Variants in ANKRD31 observed in about 807,000 individuals in gnomAD.
ANKRD31 encodes ankyrin repeat domain-containing protein 31.
In ANKRD31, 147 loss-of-function variants were observed where a neutral mutation model predicts 186.0. That is an observed-to-expected ratio of 0.79 (90% CI 0.69 to 0.91). ANKRD31 has a LOEUF of 0.91. ANKRD31 is among the 40% of genes least tolerant of loss of function. ANKRD31 has a pLI of 0.00. For synonymous variants in ANKRD31, 673 were observed against 736.4 expected (o/e 0.91, Z 1.39); for missense variants, 1,986 against 2,148.8 (o/e 0.92, Z 1.50).
chr5:75,209,087 T>C (rs1246456437), intron 4 of ANKRD31, among the ~76,000 whole-genome samples: 1 of 152,206 alleles, frequency 6.6e-6, no homozygotes, highest in Non-Finnish European at 1.5e-5. Flanking sequence ...AATACTTTCC[T>C]AAAAGGGAAA....
At chr5:75,164,197 C>A (rs929746650) in intron 11 of ANKRD31, among the ~76,000 whole-genome samples, 13 of 152,068 alleles carry the variant, frequency 8.5e-5, no homozygotes, top group African/African-American at 3.1e-4. Flanking sequence ...TGTCAGTGAG[C>A]CACCTTAGAA....
intron 1 of ANKRD31, among the ~76,000 whole-genome samples, chr5:75,233,404 C>T (rs761122130): frequency 1.2e-4 from 19 of 152,042 alleles, no homozygotes; most frequent in Non-Finnish European, 2.6e-4. Context: ...CTTATGAGGA[C>T]TCCTGTGTCC....
intron 10 of ANKRD31, among the ~76,000 whole-genome samples, chr5:75,183,060 A>G (rs1754443203): frequency 1.3e-5 from 2 of 152,248 alleles, no homozygotes; most frequent in Non-Finnish European, 2.9e-5. Context: ...ATTATTCATT[A>G]TGATCAATTG....
At chr5:75,079,310 T>G (rs747687825) in intron 25 of ANKRD31, among the ~76,000 whole-genome samples, 1 of 152,362 alleles carries the variant, frequency 6.6e-6, no homozygotes, top group Non-Finnish European at 1.5e-5. Context: ...TTCTGCTATT[T>G]GTTCTATTGA....
chr5:75,109,948 G>C (rs943757513), intron 20 of ANKRD31, among the ~76,000 whole-genome samples: 2 of 152,186 alleles, frequency 1.3e-5, no homozygotes, highest in African/African-American at 4.8e-5. Flanking sequence ...AAGAGTCTTA[G>C]AAAACTGCTC....
intron 11 of ANKRD31, among the ~76,000 whole-genome samples, chr5:75,162,646 C>T (rs1206797220): frequency 1.3e-5 from 2 of 152,076 alleles, no homozygotes; most frequent in Non-Finnish European, 2.9e-5. Context: ...CTCCATGTCC[C>T]CAGCCAAATC....
intron 17 of ANKRD31, among the ~76,000 whole-genome samples, chr5:75,124,315 G>A (rs906344897): frequency 6.6e-6 from 1 of 152,106 alleles, no homozygotes; most frequent in African/African-American, 2.4e-5. Context: ...AAAAGGGAAT[G>A]CTTATACACT....
At chr5:75,194,987 AG>A (rs1755364318) in intron 7 of ANKRD31, among the ~76,000 whole-genome samples, 1 of 152,128 alleles carries the variant, frequency 6.6e-6, no homozygotes, top group Non-Finnish European at 1.5e-5. Context: ...GAAAAAATAA[AG>A]ATTATTTTTA....
chr5:75,100,946 A>C (rs1023173731), intron 22 of ANKRD31, among the ~76,000 whole-genome samples: 8 of 152,120 alleles, frequency 5.3e-5, no homozygotes, highest in Non-Finnish European at 8.8e-5. Context: ...ATTGTTATGT[A>C]TGAATTTGAT....
At position 75,144,059 on chromosome 5, in the gene ANKRD31, G is replaced by C. The variant is rs1227954759; in HGVS notation, c.3537C>G (p.His1179Gln). Residue 1179 changes from histidine (H) to glutamine (Q), a missense_variant, in exon 15 of 26, where the codon CAC becomes CAG. Physicochemically the swap from His to Gln is conservative, Grantham distance 24. Transcript: ENST00000506364. Reference sequence around the variant, plus strand: ...TTTTTCTGAAATTCTGAACTGTTTTGTGTTCTTGGCTATTAGTAGGCATGT... The same window carrying C: ...TTTTTCTGAAATTCTGAACTGTTTTCTGTTCTTGGCTATTAGTAGGCATGT... The part of the protein sequence containing the change: ...EIHMPTNSQE[H>Q]KTVQNFRKRQ... The C allele has an allele frequency of 2.5e-6, 1 of 397,482 alleles. No homozygotes were observed. The highest frequency in any genetic ancestry group is 4.4e-6 in the Non-Finnish European group (1 of 225,384). The allele number at this position is 397,482 out of a possible 1,614,324, so 24.6% of individuals were successfully genotyped here.
intron 12 of ANKRD31, among the ~76,000 whole-genome samples, chr5:75,153,939 A>C (rs1751999394): frequency 6.6e-6 from 1 of 152,106 alleles, no homozygotes; most frequent in South Asian, 2.1e-4. Context: ...TTTGGGGAAA[A>C]GAAACAAATT....
At chr5:75,120,111 G>C (rs1748637735) in intron 17 of ANKRD31, among the ~76,000 whole-genome samples, 1 of 152,094 alleles carries the variant, frequency 6.6e-6, no homozygotes, top group Non-Finnish European at 1.5e-5. Flanking sequence ...TATGGTATAA[G>C]TCAGCCAGGA....
intron 25 of ANKRD31, among the ~76,000 whole-genome samples, chr5:75,072,964 C>T (rs767514198): frequency 2.0e-5 from 3 of 152,136 alleles, no homozygotes; most frequent in Admixed American, 6.5e-5. Flanking sequence ...TTTATAACTA[C>T]GATAATTCCT....
chr5:75,106,013 T>C (rs943578189), intron 21 of ANKRD31, among the ~76,000 whole-genome samples: 2 of 152,168 alleles, frequency 1.3e-5, no homozygotes, highest in African/African-American at 4.8e-5. Context: ...TGGGAACTAC[T>C]TGTACTCTTC....
chr5:75,079,939 C>CA lies in ANKRD31; in HGVS notation c.5647+628dup, dbSNP rs903154586. On this transcript the variant is annotated intron_variant, in intron 25 of 25. Transcript: ENST00000506364. ...GCAACATGGTGAAACTCCCTCTCTACAAAAAAAAATTAGCTGGGCATGGTG... is the reference window on the plus strand; with the variant it reads ...GCAACATGGTGAAACTCCCTCTCTACAAAAAAAAAATTAGCTGGGCATGGTG... 2.5e-4 allele frequency among the ~76,000 whole-genome samples: 37 copies of CA among 150,850 alleles called. 1 individual carries two copies. Among genetic ancestry groups the CA allele is most frequent in the East Asian group, 2.2e-3 (11 of 5,076 alleles).
chr5:75,118,341 T>C, intron 17 of ANKRD31, 44 bp from the exon 18 acceptor site: 2 of 1,338,908 alleles, frequency 1.5e-6, no homozygotes, highest in South Asian at 1.9e-5. Context: ...ACACCAAAGA[T>C]GAATAATTTC....
rs539198775 is a variant in ANKRD31 at position 75,195,510 on chromosome 5, G to A, written c.1017+121C>T. On this transcript the variant is annotated intron_variant, in intron 7 of 25. Coordinates refer to ENST00000506364, the MANE Select transcript of ANKRD31 (RefSeq NM_001372053.1). The stretch of plus-strand genomic sequence containing the variant: ...AATGAAAACTTGTTGAAGTTTAAAA[G>A]GCAAAATCATAGACTCATATTTTCA... 1.2e-5 allele frequency: 10 copies of A among 842,530 alleles called. No individual in the cohort carries two copies. The African/African-American group carries it at 1.7e-4, about 15-fold the overall frequency. 52.2% of individuals were successfully genotyped at this position (842,530 alleles called of 1,614,324 possible).
intron 22 of ANKRD31, among the ~76,000 whole-genome samples, chr5:75,099,862 T>C (rs1580323319): frequency 6.6e-6 from 1 of 152,204 alleles, no homozygotes; most frequent in East Asian, 1.9e-4. Context: ...GTTGATCTTT[T>C]CAAAAAACCA....
chr5:75,207,828 T>C (rs896777896), intron 4 of ANKRD31, among the ~76,000 whole-genome samples: 1 of 152,070 alleles, frequency 6.6e-6, no homozygotes, highest in Non-Finnish European at 1.5e-5. Context: ...TTTCTTTAAA[T>C]GAACTTATAA....
Sources: allele counts gnomAD v4.1 joint callset (sites outside exome capture counted in the v4.1 genomes callset), GRCh38; gene constraint gnomAD v4.1.1; transcripts MANE v1.5; gene names NCBI Gene and HGNC (gene_info 2026-07-23, HGNC 2026-07-21).